The following FRK variants were observed in gnomAD, a reference collection of about 807,000 sequenced individuals.
FRK encodes the protein fyn related Src family tyrosine kinase.
FRK carries 51 observed loss-of-function variants against 56.4 expected under a neutral mutation model. That is an observed-to-expected ratio of 0.90 (90% CI 0.72 to 1.14). FRK has a LOEUF of 1.14. Ranked by LOEUF, FRK falls within the 50% of genes most tolerant of loss-of-function variation. The pLI is 0.00. For synonymous variants in FRK, 245 were observed against 217.9 expected, an observed-to-expected ratio of 1.12 and a Z score of -1.10; for missense variants, 570 against 601.4, an observed-to-expected ratio of 0.95 and a Z score of 0.55.
chr6:116,097,371 T>G, the FRK span, among the ~76,000 whole-genome samples: 11 of 152,172 alleles, frequency 7.2e-5, no homozygotes, highest in Non-Finnish European at 1.3e-4. Flanking sequence ...TGGCTTAGGT[T>G]ATACAAAAAG....
chr6:116,079,379 T>C, the FRK span, among the ~76,000 whole-genome samples: 7 of 151,346 alleles, frequency 4.6e-5, no homozygotes. Flanking sequence ...TCAGGTCTTT[T>C]GCCTATTTCT....
intron 1 of FRK, among the ~76,000 whole-genome samples, chr6:116,059,177 T>A (rs1410814472): frequency 6.6e-6 from 1 of 152,144 alleles, no homozygotes; most frequent in Non-Finnish European, 1.5e-5. Context: ...GGTGGATGGA[T>A]GGATGGATGG....
At chr6:116,013,481 C>T (rs891673328) in intron 1 of FRK, among the ~76,000 whole-genome samples, 2 of 152,064 alleles carry the variant, frequency 1.3e-5, no homozygotes, top group East Asian at 3.9e-4. Context: ...TTTTGTACAA[C>T]ATTTGTGATA....
At chr6:116,039,576 C>A in intron 1 of FRK, 1 of 827,402 alleles carries the variant, frequency 1.2e-6, no homozygotes, top group Non-Finnish European at 2.2e-6. Context: ...CTCCCCTGCA[C>A]ATGTTTCTGA....
At chr6:116,082,544 A>T in the FRK span, among the ~76,000 whole-genome samples, 1 of 152,180 alleles carries the variant, frequency 6.6e-6, no homozygotes, top group African/African-American at 2.4e-5. Context: ...TTCTGGATAT[A>T]TGTTTAAAGT....
intron 1 of FRK, among the ~76,000 whole-genome samples, chr6:116,053,600 T>A (rs557600688): frequency 6.6e-6 from 1 of 152,258 alleles, no homozygotes; most frequent in Non-Finnish European, 1.5e-5. Flanking sequence ...CAATAGAACA[T>A]TTTCTTTTCA....
At chr6:115,947,524 C>G (rs1417835655) in intron 5 of FRK, among the ~76,000 whole-genome samples, 2 of 152,056 alleles carry the variant, frequency 1.3e-5, no homozygotes, top group African/African-American at 4.8e-5. Context: ...CTGGGCAATG[C>G]AATGTGTGCA....
At chr6:116,000,977 C>T (rs1413301640) in intron 2 of FRK, among the ~76,000 whole-genome samples, 3 of 152,162 alleles carry the variant, frequency 2.0e-5, no homozygotes, top group Non-Finnish European at 2.9e-5. Context: ...TGGTGGTTCA[C>T]GCCTGTAATC....
the FRK span, among the ~76,000 whole-genome samples, chr6:116,067,078 C>T: frequency 1.3e-5 from 2 of 151,986 alleles, no homozygotes; most frequent in African/African-American, 2.4e-5. Context: ...CAGGTGTCCT[C>T]ATAAAAAGGG....
the FRK span, among the ~76,000 whole-genome samples, chr6:116,097,987 G>T: frequency 2.6e-4 from 40 of 151,778 alleles, no homozygotes; most frequent in African/African-American, 8.7e-4. Flanking sequence ...CCACACAATG[G>T]GGTTTAGACA....
chr6:116,007,565 C>G (rs1240748208), intron 1 of FRK, among the ~76,000 whole-genome samples: 2 of 152,180 alleles, frequency 1.3e-5, no homozygotes, highest in East Asian at 3.9e-4. Flanking sequence ...TAAAGAACAC[C>G]ATGTATTTTG....
chr6:116,049,893 G>T (rs1341040679), intron 1 of FRK, among the ~76,000 whole-genome samples: 2 of 152,086 alleles, frequency 1.3e-5, no homozygotes, highest in East Asian at 1.9e-4. Context: ...TTTAGGAAAA[G>T]GGTCATATGA....
At chr6:115,970,297 T>C (rs1274476030) in intron 2 of FRK, among the ~76,000 whole-genome samples, 2 of 152,180 alleles carry the variant, frequency 1.3e-5, no homozygotes, top group African/African-American at 4.8e-5. Context: ...TTGAACACAG[T>C]CATACATGTC....
chr6:116,090,224 C>A, the FRK span, among the ~76,000 whole-genome samples: 1 of 152,160 alleles, frequency 6.6e-6, no homozygotes, highest in South Asian at 2.1e-4. Context: ...AACAACAGCA[C>A]CCCCAACATG....
the FRK span, among the ~76,000 whole-genome samples, chr6:116,088,559 G>C: frequency 3.3e-5 from 5 of 152,188 alleles, no homozygotes. Flanking sequence ...GTACACTACA[G>C]AGTATGTGAT....
At chr6:115,993,400 C>G (rs12201275) in intron 2 of FRK, among the ~76,000 whole-genome samples, 58,597 of 151,454 alleles carry the variant, frequency 0.39, 11,700 homozygotes, top group Middle Eastern at 0.5. Flanking sequence ...TTGTGATTAA[C>G]TTATTTTTTC....
chr6:116,000,463 G>A (rs1317998493), intron 2 of FRK, among the ~76,000 whole-genome samples: 1 of 151,718 alleles, frequency 6.6e-6, no homozygotes, highest in African/African-American at 2.4e-5. Context: ...GGCTAGTCTT[G>A]AACTTCTGGC....
the FRK span, among the ~76,000 whole-genome samples, chr6:116,091,571 A>G: frequency 6.6e-6 from 1 of 152,192 alleles, no homozygotes; most frequent in African/African-American, 2.4e-5. Context: ...CATTTTGGCA[A>G]CCATGAAGGG....
the FRK span, among the ~76,000 whole-genome samples, chr6:116,075,221 AT>A: frequency 6.6e-6 from 1 of 152,080 alleles, no homozygotes. Flanking sequence ...TGGCTTCTCT[AT>A]AATTACTTTC....
Sources: allele counts gnomAD v4.1 joint callset (sites outside exome capture counted in the v4.1 genomes callset), GRCh38; gene constraint gnomAD v4.1.1; transcripts MANE v1.5; gene names NCBI Gene and HGNC (gene_info 2026-07-23, HGNC 2026-07-21).